The following PIKFYVE variants were observed in gnomAD, a reference collection of about 807,000 sequenced individuals.
The protein encoded by PIKFYVE is phosphoinositide kinase, FYVE-type zinc finger containing.
PIKFYVE carries 122 observed loss-of-function variants against 257.9 expected under a neutral mutation model. The observed-to-expected ratio is 0.47, with a 90% CI of 0.41 to 0.55. The LOEUF is 0.55. Among genes scored for constraint, PIKFYVE ranks in the 20% least tolerant of loss-of-function variants. The pLI is 0.00. For synonymous variants in PIKFYVE, 892 were observed against 868.9 expected (o/e 1.03, Z -0.47); for missense variants, 2,160 against 2,536.6 (o/e 0.85, Z 3.19).
At chr2:208,347,572 A>G (rs1031382130) in intron 34 of PIKFYVE, among the ~76,000 whole-genome samples, 1 of 152,170 alleles carries the variant, frequency 6.6e-6, no homozygotes, top group African/African-American at 2.4e-5. Context: ...CTTTCTAGAT[A>G]ATTCCCTATA....
chr2:208,306,091 TGTCA>T (rs1248893945), intron 12 of PIKFYVE, among the ~76,000 whole-genome samples: 3 of 152,232 alleles, frequency 2.0e-5, no homozygotes, highest in African/African-American at 7.2e-5. Flanking sequence ...TTCTCATAGT[TGTCA>T]GTATTAGCTA....
chr2:208,283,211 G>T (rs1691069028), intron 5 of PIKFYVE, among the ~76,000 whole-genome samples: 1 of 152,114 alleles, frequency 6.6e-6, no homozygotes, highest in Non-Finnish European at 1.5e-5. Context: ...ACATGGAAAG[G>T]GATCAATGAA....
At chr2:208,339,955 T>G in intron 30 of PIKFYVE, 56 bp from the exon 31 acceptor site, 1 of 1,578,632 alleles carries the variant, frequency 6.3e-7, no homozygotes, top group South Asian at 1.1e-5. Context: ...GTCAGCAGTT[T>G]ATACTTCTTA....
intron 7 of PIKFYVE, among the ~76,000 whole-genome samples, chr2:208,292,629 G>A (rs111783784): frequency 4.0e-5 from 6 of 151,704 alleles, no homozygotes; most frequent in South Asian, 2.1e-4. Flanking sequence ...TTTTATTAGC[G>A]TTAACATGGT....
intron 10 of PIKFYVE, among the ~76,000 whole-genome samples, chr2:208,303,300 C>CACAT (rs535226052): frequency 0.029 from 4,325 of 150,418 alleles, 193 homozygotes; most frequent in African/African-American, 0.099. Flanking sequence ...CACACACACA[C>CACAT]ATATATATAT....
chr2:208,311,003 T>G (rs1036168813), intron 12 of PIKFYVE, among the ~76,000 whole-genome samples: 33 of 152,156 alleles, frequency 2.2e-4, no homozygotes, highest in Admixed American at 2.2e-3. Flanking sequence ...AGTGGTAAAG[T>G]GTCATGATGT....
intron 22 of PIKFYVE, among the ~76,000 whole-genome samples, chr2:208,330,192 A>G (rs958156184): frequency 3.3e-5 from 5 of 152,166 alleles, no homozygotes; most frequent in African/African-American, 9.7e-5. Flanking sequence ...TGAGAGGTAA[A>G]ATGTTGGAAT....
intron 17 of PIKFYVE, 144 bp from the exon 18 acceptor site, chr2:208,323,998 T>C: frequency 1.3e-6 from 1 of 746,886 alleles, no homozygotes; most frequent in South Asian, 1.6e-5. Context: ...TTTTTGTAGA[T>C]TCTGGATATT....
chr2:208,269,496 G>T, intron 1 of PIKFYVE: 1 of 255,454 alleles, frequency 3.9e-6, no homozygotes, highest in South Asian at 4.9e-5. Flanking sequence ...TCCCCTCCTT[G>T]ACTAACACAT....
chr2:208,304,914 G>T lies in PIKFYVE; in HGVS notation c.1537G>T (p.Ala513Ser), dbSNP rs766980836. The change falls in exon 12 of 42, where the codon GCT (alanine) becomes TCT (serine). Residue 513 changes from alanine to serine, a missense_variant. Coordinates refer to ENST00000264380, the MANE Select transcript of PIKFYVE (RefSeq NM_015040.4). ...GTCCACAGTGGACAGTGACTCAGCC[G>T]CTTCTATCAGCCTGAACGTGGAGCT... ...FQSTVDSDSAASISLNVELDN... is the reference protein window; with the variant it reads ...FQSTVDSDSASSISLNVELDN... The T allele has an allele frequency of 3.1e-6, 5 of 1,614,086 alleles. No homozygotes were observed. The highest frequency in any genetic ancestry group is 2.2e-5 in the South Asian group (2 of 91,070).
chr2:208,294,846 C>T (rs779440791), intron 7 of PIKFYVE, among the ~76,000 whole-genome samples: 5 of 152,100 alleles, frequency 3.3e-5, no homozygotes, highest in Admixed American at 6.6e-5. Flanking sequence ...AATGCTCTGA[C>T]GTATTTTTAA....
At chr2:208,311,194 G>A (rs760977926) in intron 12 of PIKFYVE, among the ~76,000 whole-genome samples, 2 of 152,160 alleles carry the variant, frequency 1.3e-5, no homozygotes, top group Non-Finnish European at 2.9e-5. Context: ...TTTAGTGTGA[G>A]AAGGCTGGTA....
intron 7 of PIKFYVE, among the ~76,000 whole-genome samples, chr2:208,292,899 A>G (rs1443365342): frequency 4.0e-5 from 6 of 151,610 alleles, no homozygotes; most frequent in Admixed American, 1.3e-4. Flanking sequence ...TATTTAGACT[A>G]TTGACATTTA....
At position 208,285,821 on chromosome 2, in the gene PIKFYVE, TC is replaced by T; in HGVS notation, c.710del (p.Ser237Ter). 1 of 1,614,104 alleles carries T rather than the reference TC, an allele frequency of 6.2e-7. No homozygotes were observed. The highest frequency in any genetic ancestry group is 8.5e-7 in the Non-Finnish European group (1 of 1,179,958). Reference protein sequence around the residue: ...NSIGEDLNALSDSACSVSVLD... With the variant: ...NSIGEDLNALXDSACSVSVLD... ...TATTGGGGAAGACTTGAATGCTCTT[TC>T]AGATTCTGCTTGCTCTGTGTCTGTG... On this transcript the variant is annotated frameshift_variant, in exon 6 of 42. Coordinates refer to ENST00000264380, the MANE Select transcript of PIKFYVE (RefSeq NM_015040.4). LOFTEE classifies it high-confidence loss of function.
intron 12 of PIKFYVE, among the ~76,000 whole-genome samples, chr2:208,308,617 C>G (rs1694617491): frequency 6.6e-6 from 1 of 152,040 alleles, no homozygotes; most frequent in South Asian, 2.1e-4. Flanking sequence ...CTGGTAACCA[C>G]CATTCTACTT....
chr2:208,295,911 T>C (rs1326073120), intron 7 of PIKFYVE, among the ~76,000 whole-genome samples: 1 of 152,234 alleles, frequency 6.6e-6, no homozygotes, highest in Non-Finnish European at 1.5e-5. Flanking sequence ...TGGTGATTTT[T>C]CTAAGTCTAT....
chr2:208,342,511 CTAGAG>C, intron 31 of PIKFYVE, 38 bp from the exon 32 acceptor site: 1 of 1,408,188 alleles, frequency 7.1e-7, no homozygotes, highest in Non-Finnish European at 1.0e-6. Context: ...ATTCTTAACT[CTAGAG>C]TACTTAGTTA....
intron 15 of PIKFYVE, among the ~76,000 whole-genome samples, chr2:208,316,400 G>A (rs953391363): frequency 6.6e-6 from 1 of 152,008 alleles, no homozygotes; most frequent in Non-Finnish European, 1.5e-5. Context: ...CCAGTAATGG[G>A]ATGGCTGGGT....
intron 28 of PIKFYVE, 64 bp from the exon 29 acceptor site, chr2:208,338,444 T>G (rs918293370): frequency 3.3e-6 from 5 of 1,516,362 alleles, no homozygotes; most frequent in African/African-American, 2.8e-5. Context: ...TTCACTGGAT[T>G]AAAAAATTTT....
Sources: gnomAD v4.1 joint callset for allele counts (sites outside exome capture counted in the v4.1 genomes callset) on GRCh38, gnomAD v4.1.1 for gene constraint, MANE v1.5 for transcripts, NCBI Gene and HGNC (gene_info 2026-07-23, HGNC 2026-07-21) for gene names.